RHBDL1: variants seen among roughly 807,000 people sequenced by gnomAD.
RHBDL1 encodes rhomboid-related protein 1.
In RHBDL1, 21 loss-of-function variants were observed where a neutral mutation model predicts 34.0. The observed-to-expected ratio is 0.62, with a 90% confidence interval of 0.44 to 0.89. The LOEUF is 0.89. RHBDL1 is among the 40% of genes least tolerant of loss of function. RHBDL1 has a pLI of 0.00. For missense variants in RHBDL1, 450 were observed against 530.6 expected (o/e 0.85, Z 1.49); for synonymous variants, 268 against 234.8 (o/e 1.14, Z -1.29).
In RHBDL1 at chr16:676,030, GGGGGAGGGAGGGAGGGA is replaced by G; in HGVS notation, c.39+205_39+221del. ...CTCCTGGCTGGAGAAGGGAGAGTCGGGGGGAGGGAGGGAGGGAGGGAGGGAGGGCGGGCAGCTGGCTG... is the reference window on the plus strand; with the variant it reads ...CTCCTGGCTGGAGAAGGGAGAGTCGGGGGAGGGAGGGCGGGCAGCTGGCTG... On this transcript the variant is annotated intron_variant, in intron 1 of 7. Coordinates refer to ENST00000352681, the MANE Select transcript of RHBDL1 (RefSeq NM_001278720.2). The surrounding 1 kb of genome is among the most constrained non-coding windows in gnomAD (Gnocchi z 6.9). 1.4e-6 allele frequency: 2 copies of G among 1,437,968 alleles called. No individual in the cohort carries two copies. The highest frequency in any genetic ancestry group is 2.9e-5 in the Admixed American group (1 of 34,652). 89.1% of individuals were successfully genotyped at this position (1,437,968 alleles called of 1,614,324 possible).
chr16:675,797 A>G lies in RHBDL1; in HGVS notation c.7A>G (p.Arg3Gly). 1 of 1,507,174 alleles carries G rather than the reference A, an allele frequency of 6.6e-7. No individual in the cohort carries two copies. The highest frequency in any genetic ancestry group is 8.8e-7 in the Non-Finnish European group (1 of 1,131,658). The allele number at this position is 1,507,174 out of a possible 1,614,324, so 93.4% of individuals were successfully genotyped here. The change falls in exon 1 of 8, where the codon AGG (arginine) becomes GGG (glycine). Residue 3 changes from arginine to glycine, a missense_variant. Transcript: ENST00000352681. ...CGGCCCCCGGCCAGGCTCTATGGAC[A>G]GGAGCTCGCTGCTGCAGCTCATCCA... Reference protein sequence around the residue: MDRSSLLQLIQEQ... With the variant: MDGSSLLQLIQEQ...
intron 6 of RHBDL1, 31 bp downstream of exon 6, chr16:677,590 G>T (rs756030387): frequency 3.1e-6 from 5 of 1,607,224 alleles, no homozygotes; most frequent in Non-Finnish European, 4.2e-6. Context: ...GGGGCGTGGG[G>T]AGGGGCCCCA....
chr16:675,858 G>C (rs747457536), intron 1 of RHBDL1, 29 bp downstream of exon 1: 32 of 1,501,102 alleles, frequency 2.1e-5, no homozygotes, highest in African/African-American at 2.8e-5. Context: ...TGGGGAGCTG[G>C]CACCGCCCCC....
chr16:678,047 CCCTGACCGGCTA>C lies in RHBDL1; in HGVS notation c.*1_*12del, dbSNP rs749885287. On this transcript the variant is annotated stop_retained_variant and 3_prime_UTR_variant, in exon 8 of 8. Transcript: ENST00000352681. ...GCTGGGCGCCCACATCCCCCCACCG[CCCTGACCGGCTA>C]CCTGAGGCTGCACAGGCCAGGGCTC... 3.2e-6 allele frequency: 5 copies of C among 1,561,120 alleles called. No individual in the cohort carries two copies. The highest frequency in any genetic ancestry group is 4.3e-6 in the Non-Finnish European group (5 of 1,158,610).
In RHBDL1 at chr16:678,037, C is replaced by G. The variant is rs759777387; in HGVS notation, c.1107C>G (p.Ile369Met). The change falls in exon 8 of 8, where the codon ATC becomes ATG. Residue 369 changes from isoleucine (I) to methionine (M), a missense_variant. Ile to Met is a conservative substitution (Grantham distance 10). Coordinates refer to ENST00000352681, the MANE Select transcript of RHBDL1 (RefSeq NM_001278720.2). The stretch of plus-strand genomic sequence containing the variant: ...CCTACGACCTGCTGGGCGCCCACAT[C>G]CCCCCACCGCCCTGACCGGCTACCT... ...VFAYDLLGAH[I>M]PPPP 1 of 1,569,708 alleles carries G rather than the reference C, an allele frequency of 6.4e-7. No homozygotes were observed. The highest frequency in any genetic ancestry group is 8.6e-7 in the Non-Finnish European group (1 of 1,163,120).
rs764251039 is a variant in RHBDL1 at position 676,346 on chromosome 16, C to G, written c.50C>G (p.Pro17Arg). 1 of 1,610,520 alleles carries G rather than the reference C, an allele frequency of 6.2e-7. No homozygotes were observed. Among genetic ancestry groups the G allele is most frequent in the Non-Finnish European group, 8.5e-7 (1 of 1,179,224 alleles). The change falls in exon 2 of 8, where the codon CCC (proline) becomes CGC (arginine). Residue 17 changes from proline to arginine, a missense_variant. Coordinates refer to ENST00000352681, the MANE Select transcript of RHBDL1 (RefSeq NM_001278720.2). This position sits in a 1 kb window ranked among gnomAD's most constrained non-coding sequence, Gnocchi z 6.9. ...GGCTCCTCACTGCAGCAGCTGGACC[C>G]CGAGAACACAGGCTTCATCGGTGCG... ...LQLIQEQQLD[P>R]ENTGFIGADT...
chr16:677,708 G>A lies in RHBDL1; in HGVS notation c.850+9G>A, dbSNP rs767150229. The A allele has an allele frequency of 1.3e-6, 2 of 1,530,380 alleles. No homozygotes were observed. The highest frequency in any genetic ancestry group is 1.8e-6 in the Non-Finnish European group (2 of 1,139,214). The allele number at this position is 1,530,380 out of a possible 1,614,324, so 94.8% of individuals were successfully genotyped here. ...GCTGGCCTTGGTGTGCAGTGAGTAG[G>A]GGCCGGGGGGAGGGCCGGGGGGCCT... On this transcript the variant is annotated intron_variant, in intron 7 of 7. Transcript: ENST00000352681.
Position 676,044 on chromosome 16 carries a change from G to GGGAT in RHBDL1, c.39+218_39+219insTGGA. 1 of 1,430,860 alleles carries GGGAT rather than the reference G, an allele frequency of 7.0e-7. No individual in the cohort carries two copies. The highest frequency in any genetic ancestry group is 9.2e-7 in the Non-Finnish European group (1 of 1,086,590). 88.6% of individuals were successfully genotyped at this position (1,430,860 alleles called of 1,614,324 possible). On this transcript the variant is annotated intron_variant, in intron 1 of 7. Coordinates refer to ENST00000352681, the MANE Select transcript of RHBDL1 (RefSeq NM_001278720.2). The surrounding 1 kb of genome is among the most constrained non-coding windows in gnomAD (Gnocchi z 6.9). Reference sequence around the variant, plus strand: ...AGGGAGAGTCGGGGGGAGGGAGGGAGGGAGGGAGGGAGGGCGGGCAGCTGG... The same window carrying GGGAT: ...AGGGAGAGTCGGGGGGAGGGAGGGAGGGATGGAGGGAGGGAGGGCGGGCAGCTGG...
Position 676,727 on chromosome 16 carries a change from C to T in RHBDL1, c.257C>T (p.Ala86Val), listed in dbSNP as rs2039551020. The T allele has an allele frequency of 6.2e-7, 1 of 1,612,220 alleles. No individual in the cohort carries two copies. The highest frequency in any genetic ancestry group is 1.1e-5 in the South Asian group (1 of 91,054). Residue 86 changes from alanine to valine, a missense_variant, in exon 3 of 8, where the codon GCA (alanine) becomes GTA (valine). Physicochemically the swap from Ala to Val is moderately conservative, Grantham distance 64 (BLOSUM62 0). Coordinates refer to ENST00000352681, the MANE Select transcript of RHBDL1 (RefSeq NM_001278720.2). The surrounding 1 kb of genome is among the most constrained non-coding windows in gnomAD (Gnocchi z 6.9). ...CGGGCCATTGCTAACGGACAGCGGG[C>T]ACTGCCCCGGGACGGGCCGCTGGAT... ...FKRAIANGQRALPRDGPLDEP... is the reference protein window; with the variant it reads ...FKRAIANGQRVLPRDGPLDEP...
rs564830560 is a variant in RHBDL1, at chr16:675,677, G to T, written c.-114G>T. On this transcript the variant is annotated 5_prime_UTR_variant, in exon 1 of 8. Transcript: ENST00000352681. ...CGACTCGGTGACGCGGCCCAAGCGC[G>T]GCGCCGAGCGGAGCGGGCGGAGCGG... 5.2e-6 allele frequency: 2 copies of T among 382,292 alleles called. No individual in the cohort carries two copies. The highest frequency in any genetic ancestry group is 2.2e-4 in the South Asian group (2 of 8,980). The allele number at this position is 382,292 out of a possible 1,614,324, so 23.7% of individuals were successfully genotyped here.
In RHBDL1 at chr16:678,045, C is replaced by T. The variant is rs534980270; in HGVS notation, c.1115C>T (p.Pro372Leu). 3.8e-6 allele frequency: 6 copies of T among 1,561,510 alleles called. No homozygotes were observed. The highest frequency in any genetic ancestry group is 1.3e-5 in the African/African-American group (1 of 74,238). The change falls in exon 8 of 8, where the codon CCG (proline) becomes CTG (leucine). Residue 372 changes from proline to leucine, a missense_variant. Transcript: ENST00000352681. Reference protein sequence around the residue: ...YDLLGAHIPPPP With the variant: ...YDLLGAHIPPLP ...CTGCTGGGCGCCCACATCCCCCCAC[C>T]GCCCTGACCGGCTACCTGAGGCTGC... is the stretch of plus-strand genomic sequence containing the variant.
At chr16:677,241 C>T (rs941357967) in intron 4 of RHBDL1, 35 bp from the exon 5 acceptor site, 12 of 1,554,426 alleles carry the variant, frequency 7.7e-6, no homozygotes, top group Middle Eastern at 1.7e-4. Context: ...ATGGCTGACC[C>T]CACCCTTCGT....
Position 676,431 on chromosome 16 carries a change from C to T in RHBDL1, c.135C>T (p.Asp45=), listed in dbSNP as rs140442350. 3.2e-5 allele frequency: 51 copies of T among 1,606,484 alleles called. No individual in the cohort carries two copies. Among genetic ancestry groups the T allele is most frequent in the South Asian group, 2.3e-4 (21 of 90,422 alleles). Residue 45 remains aspartate (D), a synonymous_variant, in exon 2 of 8, where the codon GAC becomes GAT. Transcript: ENST00000352681. The surrounding 1 kb of genome is among the most constrained non-coding windows in gnomAD (Gnocchi z 6.9). The part of the protein sequence containing the change: ...HELPLDPAKL[D]MLVALAQSNE... ...TGCCCCTGGACCCGGCCAAGCTGGA[C>T]ATGCTGGTGGCCCTGGCTCAGAGCA...
rs752566702 is a variant in RHBDL1, at chr16:676,800, C to T, written c.330C>T (p.Tyr110=). The T allele has an allele frequency of 5.6e-5, 90 of 1,611,326 alleles. No homozygotes were observed. Among genetic ancestry groups the T allele is most frequent in the Non-Finnish European group, 7.3e-5 (86 of 1,179,636 alleles). The change falls in exon 3 of 8, where the codon TAC becomes TAT. Residue 110 remains tyrosine, a synonymous_variant. Transcript: ENST00000352681. This position sits in a 1 kb window ranked among gnomAD's most constrained non-coding sequence, Gnocchi z 6.9. ...VYKRFVRYVA[Y]EILPCEVDRR... ...AGCGGTTTGTGCGTTACGTGGCCTA[C>T]GAGATCCTGCCTTGTGAGGTGGACC...
chr16:676,044 G>T lies in RHBDL1; in HGVS notation c.39+215G>T. 2.1e-6 allele frequency: 3 copies of T among 1,430,860 alleles called. No individual in the cohort carries two copies. Among genetic ancestry groups the T allele is most frequent in the Non-Finnish European group, 2.8e-6 (3 of 1,086,590 alleles). The allele number at this position is 1,430,860 out of a possible 1,614,324, so 88.6% of individuals were successfully genotyped here. On this transcript the variant is annotated intron_variant, in intron 1 of 7. Transcript: ENST00000352681. The surrounding 1 kb of genome is among the most constrained non-coding windows in gnomAD (Gnocchi z 6.9). ...AGGGAGAGTCGGGGGGAGGGAGGGA[G>T]GGAGGGAGGGAGGGCGGGCAGCTGG...
In RHBDL1 at chr16:678,193, C is replaced by G; in HGVS notation, c.*141C>G. 1 of 1,388,694 alleles carries G rather than the reference C, an allele frequency of 7.2e-7. No individual in the cohort carries two copies. Among genetic ancestry groups the G allele is most frequent in the Non-Finnish European group, 9.3e-7 (1 of 1,077,770 alleles). The allele number at this position is 1,388,694 out of a possible 1,614,324, so 86.0% of individuals were successfully genotyped here. ...TGGGTGGCCTCAAAGGAGGCCCTGT[C>G]CCAGCCACCCACCCCCCACTCCCAG... is the stretch of plus-strand genomic sequence containing the variant. On this transcript the variant is annotated 3_prime_UTR_variant, in exon 8 of 8. Transcript: ENST00000352681.
chr16:678,105 C>G lies in RHBDL1; in HGVS notation c.*53C>G. ...GGCTCGGGCATGTGGTGGCCGCCCACCAGGGGCCTTCACGTCTGCCCTTTG... is the reference window on the plus strand; with the variant it reads ...GGCTCGGGCATGTGGTGGCCGCCCAGCAGGGGCCTTCACGTCTGCCCTTTG... On this transcript the variant is annotated 3_prime_UTR_variant, in exon 8 of 8. Transcript: ENST00000352681. 2.7e-6 allele frequency: 4 copies of G among 1,486,458 alleles called. No homozygotes were observed. Among genetic ancestry groups the G allele is most frequent in the Non-Finnish European group, 3.6e-6 (4 of 1,125,214 alleles). The allele number at this position is 1,486,458 out of a possible 1,614,324, so 92.1% of individuals were successfully genotyped here.
rs754884373 is a variant in RHBDL1 at position 677,715 on chromosome 16, G to A, written c.850+16G>A. ...TTGGTGTGCAGTGAGTAGGGGCCGG[G>A]GGGAGGGCCGGGGGGCCTCTCAGCC... On this transcript the variant is annotated intron_variant, in intron 7 of 7. Transcript: ENST00000352681. 19 of 1,527,514 alleles carry A rather than the reference G, an allele frequency of 1.2e-5. No homozygotes were observed. In the South Asian group the frequency reaches 2.5e-4, roughly 20 times the overall value. 94.6% of individuals were successfully genotyped at this position (1,527,514 alleles called of 1,614,324 possible).
At position 676,459 on chromosome 16, in the gene RHBDL1, G is replaced by A. The variant is rs781118837; in HGVS notation, c.163G>A (p.Glu55Lys). The A allele has an allele frequency of 8.7e-6, 14 of 1,602,616 alleles. No homozygotes were observed. The highest frequency in any genetic ancestry group is 4.4e-5 in the South Asian group (4 of 90,516). Residue 55 changes from glutamate (E) to lysine (K), a missense_variant, in exon 2 of 8, where the codon GAG becomes AAG. Physicochemically the swap from Glu to Lys is moderately conservative, Grantham distance 56 (BLOSUM62 1). Coordinates refer to ENST00000352681, the MANE Select transcript of RHBDL1 (RefSeq NM_001278720.2). The surrounding 1 kb of genome is among the most constrained non-coding windows in gnomAD (Gnocchi z 6.9). ...GCTGGTGGCCCTGGCTCAGAGCAAC[G>A]AGCAGGGCCAGGTCTGCTACCAGGA... ...DMLVALAQSN[E>K]QGQVCYQELV...
Sources: allele counts gnomAD v4.1 joint callset, GRCh38; gene constraint gnomAD v4.1.1; non-coding constraint Gnocchi (gnomAD v3.1); transcripts MANE v1.5; gene names NCBI Gene and HGNC (gene_info 2026-07-23, HGNC 2026-07-21).